The following RLF variants were observed in gnomAD, a reference collection of about 807,000 sequenced individuals.
RLF encodes the protein zinc finger protein Rlf.
Under a neutral mutation model 162.9 loss-of-function variants are expected in RLF, and 7 were observed. That is an observed-to-expected ratio of 0.04 (90% CI 0.02 to 0.08). The LOEUF is 0.08. RLF is among the 10% of genes least tolerant of loss of function. The probability of loss-of-function intolerance (pLI) is 1.00; values close to 1 mark genes in which losing one functional copy is unlikely to be tolerated. For synonymous variants in RLF, 782 were observed against 791.5 expected (o/e 0.99, Z 0.20); for missense variants, 1,664 against 2,244.7 (o/e 0.74, Z 5.23).
chr1:40,219,035 T>C (rs1389373810), intron 5 of RLF, among the ~76,000 whole-genome samples: 4 of 152,188 alleles, frequency 2.6e-5, no homozygotes, highest in Non-Finnish European at 5.9e-5. Context: ...CTCTCAAAAG[T>C]TTGTTGGTGA....
At chr1:40,180,525 G>A (rs967267615) in intron 1 of RLF, among the ~76,000 whole-genome samples, 5 of 152,162 alleles carry the variant, frequency 3.3e-5, no homozygotes, top group East Asian at 3.8e-4. Flanking sequence ...GCTTCCCAAC[G>A]TGCTGAGATT....
At chr1:40,217,699 G>C (rs550736420) in intron 5 of RLF, among the ~76,000 whole-genome samples, 2 of 152,112 alleles carry the variant, frequency 1.3e-5, no homozygotes, top group East Asian at 3.9e-4. Flanking sequence ...ATGAACCCGG[G>C]AGGCGGAGGT....
At chr1:40,177,090 C>T (rs568637736) in intron 1 of RLF, among the ~76,000 whole-genome samples, 36 of 151,942 alleles carry the variant, frequency 2.4e-4, no homozygotes, top group African/African-American at 8.4e-4. Flanking sequence ...CAGGTTCAAG[C>T]GATTCTCCTG....
intron 1 of RLF, among the ~76,000 whole-genome samples, chr1:40,169,497 T>C (rs1642210318): frequency 6.7e-6 from 1 of 149,994 alleles, no homozygotes; most frequent in Non-Finnish European, 1.5e-5. Context: ...GCGCCTGTGG[T>C]CCCAGCTACT....
intron 4 of RLF, among the ~76,000 whole-genome samples, chr1:40,199,950 A>G (rs1642688925): frequency 6.6e-6 from 1 of 152,186 alleles, no homozygotes; most frequent in Non-Finnish European, 1.5e-5. Context: ...AATTGAGAGA[A>G]TATCATTGCT....
intron 5 of RLF, among the ~76,000 whole-genome samples, chr1:40,217,109 C>T (rs922895469): frequency 1.3e-5 from 2 of 152,134 alleles, no homozygotes; most frequent in African/African-American, 4.8e-5. Flanking sequence ...TTATTGATCT[C>T]TTTGCCTCTA....
chr1:40,188,910 T>G, intron 1 of RLF, 145 bp from the exon 2 acceptor site: 2 of 507,634 alleles, frequency 3.9e-6, no homozygotes, highest in South Asian at 6.5e-5. Flanking sequence ...TAGAAGCTTC[T>G]AAACAAACCA....
chr1:40,233,179 C>G (rs766577515), intron 7 of RLF, among the ~76,000 whole-genome samples: 1 of 152,080 alleles, frequency 6.6e-6, no homozygotes, highest in African/African-American at 2.4e-5. Flanking sequence ...CTCTTGATCC[C>G]TCACCTTCCT....
chr1:40,176,553 C>T (rs377162232), intron 1 of RLF, among the ~76,000 whole-genome samples: 3 of 152,332 alleles, frequency 2.0e-5, no homozygotes, highest in East Asian at 1.9e-4. Flanking sequence ...GATTCTCCCA[C>T]GACAGCCTCC....
chr1:40,189,312 C>T, intron 2 of RLF, 103 bp downstream of exon 2: 1 of 857,610 alleles, frequency 1.2e-6, no homozygotes. Context: ...TTCAGAGCAC[C>T]ATTAGAGTCA....
intron 5 of RLF, among the ~76,000 whole-genome samples, chr1:40,219,711 T>C (rs1317346270): frequency 6.6e-6 from 1 of 152,240 alleles, no homozygotes; most frequent in Non-Finnish European, 1.5e-5. Flanking sequence ...TATGAACCTC[T>C]TGATCAGAAA....
rs189250623 is a variant in RLF, at chr1:40,188,591, G to A, written c.238-464G>A. Among the ~76,000 whole-genome samples, 16 of 150,962 alleles carry A rather than the reference G, an allele frequency of 1.1e-4. No homozygotes were observed. In the East Asian group the frequency reaches 2.5e-3, roughly 24 times the overall value. ...AATTAGTTAGCATAAATTAACCCTT[G>A]GAAGCCTAATCAATTCCATGTGTCC... On this transcript the variant is annotated intron_variant, in intron 1 of 7. Transcript: ENST00000372771.
intron 1 of RLF, among the ~76,000 whole-genome samples, chr1:40,181,565 G>A (rs760631027): frequency 1.3e-5 from 2 of 152,142 alleles, no homozygotes; most frequent in Non-Finnish European, 2.9e-5. Context: ...CCATTGTTCT[G>A]TGTGTCTTTT....
intron 4 of RLF, among the ~76,000 whole-genome samples, chr1:40,197,783 C>G (rs976751863): frequency 6.6e-6 from 1 of 152,156 alleles, no homozygotes; most frequent in African/African-American, 2.4e-5. Context: ...TAGCCTGCCT[C>G]CTTTCACAGT....
At chr1:40,189,586 T>A (rs1309986046) in intron 2 of RLF, among the ~76,000 whole-genome samples, 1 of 152,188 alleles carries the variant, frequency 6.6e-6, no homozygotes, top group Non-Finnish European at 1.5e-5. Context: ...CTAAGAATAA[T>A]TTTATTAGCA....
At chr1:40,174,977 A>ATC (rs550946892) in intron 1 of RLF, among the ~76,000 whole-genome samples, 1,932 of 152,178 alleles carry the variant, frequency 0.013, 20 homozygotes, top group Non-Finnish European at 0.018. Flanking sequence ...AGGCGGGAGG[A>ATC]TCTCTTGAAG....
chr1:40,225,907 CG>C (rs1268005109), intron 6 of RLF, among the ~76,000 whole-genome samples: 3 of 136,106 alleles, frequency 2.2e-5, no homozygotes, highest in Non-Finnish European at 4.5e-5. Context: ...AAAAAAAAGC[CG>C]GATGGTAGTG....
intron 6 of RLF, among the ~76,000 whole-genome samples, chr1:40,225,578 C>CAAAAAAAAAAA (rs537934926): frequency 2.4e-4 from 20 of 83,060 alleles, no homozygotes; most frequent in African/African-American, 8.5e-4. Flanking sequence ...GACTCTGTCT[C>CAAAAAAAAAAA]AAAAAAAAAA....
At position 40,202,396 on chromosome 1, in the gene RLF, T is replaced by A. The variant is rs1642729669; in HGVS notation, c.608-16T>A. On this transcript the variant is annotated splice_polypyrimidine_tract_variant and intron_variant, in intron 4 of 7. Transcript: ENST00000372771. ...GTGGTATGTTGTCAAACTGTTTTAT[T>A]TTTCATTTTTTCTAGTCAATAAATT... 1 of 1,545,182 alleles carries A rather than the reference T, an allele frequency of 6.5e-7. No individual in the cohort carries two copies. Among genetic ancestry groups the A allele is most frequent in the African/African-American group, 1.4e-5 (1 of 71,484 alleles).
Sources: allele counts gnomAD v4.1 joint callset (sites outside exome capture counted in the v4.1 genomes callset), GRCh38; gene constraint gnomAD v4.1.1; transcripts MANE v1.5; gene names NCBI Gene and HGNC (gene_info 2026-07-23, HGNC 2026-07-21).